DCUN1D1: variants seen among roughly 807,000 people sequenced by gnomAD.
DCUN1D1 encodes the protein defective in cullin neddylation 1 domain containing 1, also known as DCN1-like protein 1.
A neutral mutation model predicts 39.0 loss-of-function variants in DCUN1D1; 3 were observed. The observed-to-expected ratio is 0.08, with a 90% CI of 0.04 to 0.20. The LOEUF is 0.20. DCUN1D1 is among the 10% of genes least tolerant of loss of function. The pLI is 1.00. For synonymous variants in DCUN1D1, 82 were observed against 96.3 expected (o/e 0.85, Z 0.87); for missense variants, 158 against 302.4 (o/e 0.52, Z 3.54).
rs770051602 is a variant in DCUN1D1 at position 182,940,995 on chromosome 3, A to C, written c.*4099T>G. On this transcript the variant is annotated 3_prime_UTR_variant, in exon 7 of 7. Coordinates refer to ENST00000292782, the MANE Select transcript of DCUN1D1 (RefSeq NM_020640.4). ...TTACCATAACTTCCTTATTTGTGAC[A>C]GATTTTTCAAAATCAACCAAAGGAA... The C allele has an allele frequency of 6.6e-6, 1 of 152,190 alleles. No individual in the cohort carries two copies. The highest frequency in any genetic ancestry group is 1.5e-5 in the Non-Finnish European group (1 of 68,026). 9.4% of individuals were successfully genotyped at this position (152,190 alleles called of 1,614,324 possible).
chr3:182,952,700 C>T (rs978122847), intron 4 of DCUN1D1, among the ~76,000 whole-genome samples: 2 of 152,158 alleles, frequency 1.3e-5, no homozygotes, highest in African/African-American at 4.8e-5. Flanking sequence ...CCCACAGGTT[C>T]CCCAGATGTC....
At chr3:182,982,806 A>C (rs1443411510), upstream of DCUN1D1, among the ~76,000 whole-genome samples, 1 of 151,774 alleles carries the variant, frequency 6.6e-6, no homozygotes, top group East Asian at 1.9e-4. Context: ...CACCATGCCC[A>C]GCTACTTTTT....
intron 4 of DCUN1D1, among the ~76,000 whole-genome samples, chr3:182,951,657 C>A (rs1339200478): frequency 3.4e-5 from 4 of 118,304 alleles, no homozygotes; most frequent in Admixed American, 8.8e-5. Context: ...CCACCACACA[C>A]AAAAGAAAGA....
At chr3:182,973,368 A>G (rs570761570) in intron 1 of DCUN1D1, among the ~76,000 whole-genome samples, 5 of 152,332 alleles carry the variant, frequency 3.3e-5, no homozygotes, top group Admixed American at 6.5e-5. Flanking sequence ...ATATTTTCAG[A>G]TCACCAGTTG....
intron 1 of DCUN1D1, among the ~76,000 whole-genome samples, chr3:182,971,395 T>A (rs959175216): frequency 3.3e-5 from 5 of 151,784 alleles, no homozygotes; most frequent in African/African-American, 1.2e-4. Flanking sequence ...GAAGACCTCA[T>A]CTGTATTAAA....
intron 4 of DCUN1D1, among the ~76,000 whole-genome samples, chr3:182,950,282 G>C (rs568509319): frequency 2.6e-4 from 40 of 151,906 alleles, no homozygotes; most frequent in African/African-American, 7.7e-4. Context: ...TGAGTAGCTG[G>C]GATTACAGGA....
At chr3:182,971,474 G>A (rs1727930448) in intron 1 of DCUN1D1, among the ~76,000 whole-genome samples, 1 of 152,048 alleles carries the variant, frequency 6.6e-6, no homozygotes. Flanking sequence ...TTGGGAGGCT[G>A]CGGTGGGAGG....
At chr3:182,967,127 ACTATATATATAT>A (rs1727706793) in intron 1 of DCUN1D1, among the ~76,000 whole-genome samples, 1 of 34,482 alleles carries the variant, frequency 2.9e-5, no homozygotes, top group African/African-American at 1.1e-4. Context: ...AAACAAAAAA[ACTATATATATAT>A]ATATATATAT....
chr3:182,971,058 C>G (rs530826186), intron 1 of DCUN1D1, among the ~76,000 whole-genome samples: 2 of 152,222 alleles, frequency 1.3e-5, no homozygotes, highest in African/African-American at 4.8e-5. Flanking sequence ...TAATATGATT[C>G]ACTAGTGAAG....
intron 4 of DCUN1D1, chr3:182,956,339 C>T (rs1727062902): frequency 4.2e-6 from 1 of 238,828 alleles, no homozygotes; most frequent in South Asian, 6.4e-5. Flanking sequence ...TCACTGGGAG[C>T]AGGCAAAAGC....
intron 1 of DCUN1D1, among the ~76,000 whole-genome samples, chr3:182,972,955 T>C (rs1019389168): frequency 6.6e-6 from 1 of 151,838 alleles, no homozygotes; most frequent in Non-Finnish European, 1.5e-5. Flanking sequence ...GGCAGGAAAA[T>C]TGCTTGAACC....
intron 1 of DCUN1D1, among the ~76,000 whole-genome samples, chr3:182,978,288 C>G (rs1728346324): frequency 6.6e-6 from 1 of 152,150 alleles, no homozygotes; most frequent in Non-Finnish European, 1.5e-5. Flanking sequence ...CATAAAGAAA[C>G]AAATATATGT....
intron 1 of DCUN1D1, among the ~76,000 whole-genome samples, chr3:182,979,865 A>C (rs542047950): frequency 6.6e-6 from 1 of 152,152 alleles, no homozygotes; most frequent in East Asian, 1.9e-4. Context: ...TGGCCGGGGA[A>C]ACTCTCCTTC....
At chr3:182,949,467 C>G (rs548758395) in intron 4 of DCUN1D1, among the ~76,000 whole-genome samples, 1 of 152,096 alleles carries the variant, frequency 6.6e-6, no homozygotes, top group Non-Finnish European at 1.5e-5. Context: ...TGCCTGTAAT[C>G]CCATCACTCT....
intron 1 of DCUN1D1, 59 bp downstream of exon 1, chr3:182,980,428 G>C: frequency 9.7e-7 from 1 of 1,031,576 alleles, no homozygotes; most frequent in Non-Finnish European, 1.2e-6. Flanking sequence ...CCGGGGCGGG[G>C]GTGCGCGGCA....
intron 1 of DCUN1D1, among the ~76,000 whole-genome samples, chr3:182,968,137 G>A (rs540416727): frequency 3.3e-5 from 5 of 152,194 alleles, no homozygotes; most frequent in South Asian, 2.1e-4. Context: ...TCAAACGCCC[G>A]GGCTCAAGCA....
At chr3:182,964,154 T>C (rs1193338988) in intron 2 of DCUN1D1, 105 bp from the exon 3 acceptor site, 1 of 844,824 alleles carries the variant, frequency 1.2e-6, no homozygotes, top group Non-Finnish European at 1.8e-6. Flanking sequence ...GACCACAATA[T>C]ATGGAAGGCA....
chr3:182,965,069 C>G (rs1440649155), intron 2 of DCUN1D1, among the ~76,000 whole-genome samples: 1 of 152,166 alleles, frequency 6.6e-6, no homozygotes, highest in Non-Finnish European at 1.5e-5. Flanking sequence ...GAAAGAAACT[C>G]TGTAAATATA....
chr3:182,963,810 A>T (rs1727523529), intron 3 of DCUN1D1, 71 bp downstream of exon 3: 1 of 1,299,164 alleles, frequency 7.7e-7, no homozygotes, highest in African/African-American at 1.5e-5. Flanking sequence ...TTAAATTTAC[A>T]CTAAAAAGTT....
Sources: gnomAD v4.1 joint callset for allele counts (sites outside exome capture counted in the v4.1 genomes callset) on GRCh38, gnomAD v4.1.1 for gene constraint, MANE v1.5 for transcripts, NCBI Gene and HGNC (gene_info 2026-07-23, HGNC 2026-07-21) for gene names.